Variants in CNBD1 observed in about 807,000 individuals in gnomAD.
CNBD1 encodes cyclic nucleotide binding domain containing 1.
CNBD1 carries 71 observed loss-of-function variants against 54.4 expected under a neutral mutation model. That is an observed-to-expected ratio of 1.30 (90% CI 1.08 to 1.59). CNBD1 has a LOEUF of 1.59. Among genes scored for constraint, CNBD1 ranks in the 40% most tolerant of loss-of-function variants. CNBD1 has a pLI of 0.00. For synonymous variants in CNBD1, 182 were observed against 170.7 expected (o/e 1.07, Z -0.51); for missense variants, 659 against 518.0 (o/e 1.27, Z -2.64).
chr8:87,076,946 A>T (rs1319001998), intron 4 of CNBD1, among the ~76,000 whole-genome samples: 2 of 152,222 alleles, frequency 1.3e-5, no homozygotes, highest in East Asian at 3.8e-4. Flanking sequence ...GGAATTGAAC[A>T]TTCTGAAAAT....
chr8:87,377,480 A>G (rs1227576418), intron 10 of CNBD1, among the ~76,000 whole-genome samples: 1 of 151,842 alleles, frequency 6.6e-6, no homozygotes, highest in East Asian at 1.9e-4. Flanking sequence ...AAGGACATGA[A>G]CTCATCATTT....
chr8:87,246,580 A>T (rs1807808462), intron 6 of CNBD1, among the ~76,000 whole-genome samples: 1 of 152,142 alleles, frequency 6.6e-6, no homozygotes, highest in Non-Finnish European at 1.5e-5. Flanking sequence ...TTTGAGATAG[A>T]TGACTTTAGG....
intron 8 of CNBD1, among the ~76,000 whole-genome samples, chr8:87,291,534 A>G (rs1049908005): frequency 6.6e-6 from 1 of 152,114 alleles, no homozygotes; most frequent in African/African-American, 2.4e-5. Flanking sequence ...TAACAGTGTA[A>G]GAATCACCCT....
chr8:86,920,590 C>T (rs1445917171), intron 3 of CNBD1, among the ~76,000 whole-genome samples: 1 of 152,164 alleles, frequency 6.6e-6, no homozygotes, highest in African/African-American at 2.4e-5. Flanking sequence ...TGGCTACTCT[C>T]TAATATGCCA....
At chr8:87,055,487 G>C (rs1335796853) in intron 4 of CNBD1, among the ~76,000 whole-genome samples, 1 of 151,846 alleles carries the variant, frequency 6.6e-6, no homozygotes, top group Non-Finnish European at 1.5e-5. Flanking sequence ...GTTAATGTCT[G>C]AAAAGGGGAG....
At chr8:87,026,644 A>T (rs962331168) in intron 4 of CNBD1, among the ~76,000 whole-genome samples, 1 of 152,126 alleles carries the variant, frequency 6.6e-6, no homozygotes, top group Admixed American at 6.6e-5. Context: ...CTCTAAAAAA[A>T]TTTTCTTTTC....
chr8:87,130,794 T>A (rs1037926718), intron 4 of CNBD1, among the ~76,000 whole-genome samples: 4 of 150,266 alleles, frequency 2.7e-5, no homozygotes, highest in South Asian at 2.1e-4. Context: ...AAAAAAAAAA[T>A]TCCTGAGAAA....
chr8:87,346,018 T>C (rs547453982), intron 8 of CNBD1, among the ~76,000 whole-genome samples: 1 of 152,066 alleles, frequency 6.6e-6, no homozygotes, highest in South Asian at 2.1e-4. Flanking sequence ...TAAAAAGTCA[T>C]GTTTTGTTTA....
Position 87,163,639 on chromosome 8 carries a change from T to C in CNBD1, c.432-42354T>C, listed in dbSNP as rs1037160529. Among the ~76,000 whole-genome samples the C allele has an allele frequency of 2.0e-5, 3 of 151,930 alleles. No homozygotes were observed. Among genetic ancestry groups the C allele is most frequent in the Admixed American group, 2.0e-4 (3 of 15,210 alleles). On this transcript the variant is annotated intron_variant, in intron 4 of 10. Coordinates refer to ENST00000518476, the MANE Select transcript of CNBD1 (RefSeq NM_173538.3). This position sits in a 1 kb window ranked among gnomAD's most constrained non-coding sequence, Gnocchi z 4.5. Reference sequence around the variant, plus strand: ...TTTTGTTAGTGTATGAAAATGCAACTGATATTTGTAGGTTGATTTTGTTTC... The same window carrying C: ...TTTTGTTAGTGTATGAAAATGCAACCGATATTTGTAGGTTGATTTTGTTTC...
intron 4 of CNBD1, among the ~76,000 whole-genome samples, chr8:87,110,969 C>A (rs2130704111): frequency 6.6e-6 from 1 of 152,294 alleles, no homozygotes; most frequent in African/African-American, 2.4e-5. Context: ...ACCATGTTTT[C>A]AGTGGCCCAT....
At chr8:87,144,372 C>T (rs1812438056) in intron 4 of CNBD1, among the ~76,000 whole-genome samples, 1 of 151,986 alleles carries the variant, frequency 6.6e-6, no homozygotes, top group Non-Finnish European at 1.5e-5. Context: ...TATAGGGAAA[C>T]AACAATAGAC....
chr8:87,124,433 A>G (rs972742643), intron 4 of CNBD1, among the ~76,000 whole-genome samples: 5 of 151,730 alleles, frequency 3.3e-5, no homozygotes, highest in Non-Finnish European at 7.4e-5. Context: ...ATACATAAAT[A>G]TGTGGAAATT....
chr8:87,047,548 T>C (rs1209927247), intron 4 of CNBD1, among the ~76,000 whole-genome samples: 1 of 152,230 alleles, frequency 6.6e-6, no homozygotes, highest in Non-Finnish European at 1.5e-5. Flanking sequence ...AATTTGCCTC[T>C]TATCTGTTAC....
At chr8:87,422,457 G>T (rs1188101977) in intron 2 of CNBD1, among the ~76,000 whole-genome samples, 1 of 151,074 alleles carries the variant, frequency 6.6e-6, no homozygotes. Flanking sequence ...TGTATAAGGT[G>T]TAAGGAAGGG....
intron 4 of CNBD1, among the ~76,000 whole-genome samples, chr8:87,094,461 G>A (rs1471858751): frequency 8.1e-6 from 1 of 123,414 alleles, no homozygotes; most frequent in African/African-American, 3.1e-5. Flanking sequence ...TTTTTTCCCT[G>A]TCCAGGTTCA....
chr8:87,262,682 A>G (rs1176472660), intron 6 of CNBD1, among the ~76,000 whole-genome samples: 1 of 152,166 alleles, frequency 6.6e-6, no homozygotes, highest in Non-Finnish European at 1.5e-5. Flanking sequence ...TAAGGCAGGA[A>G]TTATAAACTT....
intron 6 of CNBD1, among the ~76,000 whole-genome samples, chr8:87,252,639 T>C (rs1162012030): frequency 6.6e-6 from 1 of 152,164 alleles, no homozygotes; most frequent in East Asian, 1.9e-4. Flanking sequence ...ATTTAAAATC[T>C]AGTATATATT....
At chr8:86,988,798 A>T (rs1563849193) in intron 4 of CNBD1, among the ~76,000 whole-genome samples, 1 of 152,114 alleles carries the variant, frequency 6.6e-6, no homozygotes, top group Non-Finnish European at 1.5e-5. Context: ...TGCCTGGCTT[A>T]TTTCACTTAA....
chr8:87,207,475 CAT>C (rs1554568277), intron 5 of CNBD1, among the ~76,000 whole-genome samples: 2 of 151,796 alleles, frequency 1.3e-5, no homozygotes, highest in African/African-American at 2.4e-5. Flanking sequence ...CACACACACA[CAT>C]AAACATATAT....
Sources: gnomAD v4.1 joint callset for allele counts (sites outside exome capture counted in the v4.1 genomes callset) on GRCh38, gnomAD v4.1.1 for gene constraint, Gnocchi (gnomAD v3.1) non-coding constraint, MANE v1.5 for transcripts, NCBI Gene and HGNC (gene_info 2026-07-23, HGNC 2026-07-21) for gene names.